ISG20: variants seen among roughly 807,000 people sequenced by gnomAD.
The protein encoded by ISG20 is interferon-stimulated gene 20 kDa protein.
In ISG20, 8 loss-of-function variants were observed where a neutral mutation model predicts 11.1. That is an observed-to-expected ratio of 0.72 (90% CI 0.42 to 1.30). The LOEUF (loss-of-function observed/expected upper bound fraction) is 1.30. Ranked by LOEUF, ISG20 falls within the 50% of genes most tolerant of loss-of-function variation. The pLI is 0.01. For missense variants in ISG20, 243 were observed against 250.2 expected (o/e 0.97, Z 0.19); for synonymous variants, 110 against 101.7 (o/e 1.08, Z -0.49).
Position 88,643,053 on chromosome 15 carries a change from C to T in ISG20, c.228+3459C>T, listed in dbSNP as rs2058109106. 6.6e-6 allele frequency among the ~76,000 whole-genome samples: 1 copy of T among 151,652 alleles called. No homozygotes were observed. Among genetic ancestry groups the T allele is most frequent in the South Asian group, 2.1e-4 (1 of 4,818 alleles). ...AGCCTGGGCAAGATGGTGAGATCTC[C>T]TCTACAAAAAAAATAAATAAATAAA... On this transcript the variant is annotated intron_variant, in intron 2 of 3. Transcript: ENST00000306072. The surrounding 1 kb of genome is among the most constrained non-coding windows in gnomAD (Gnocchi z 4.4).
chr15:88,639,868 A>C lies in ISG20; in HGVS notation c.228+274A>C, dbSNP rs1353779167. 1.3e-5 allele frequency among the ~76,000 whole-genome samples: 2 copies of C among 152,212 alleles called. No individual in the cohort carries two copies. Among genetic ancestry groups the C allele is most frequent in the Non-Finnish European group, 1.5e-5 (1 of 68,034 alleles). ...TAAAATGGGGAAACTGAGTTCCCCC[A>C]CACAGTGACTTGGGGTCTACATTCC... On this transcript the variant is annotated intron_variant, in intron 2 of 3. Coordinates refer to ENST00000306072, the MANE Select transcript of ISG20 (RefSeq NM_002201.6). This position sits in a 1 kb window ranked among gnomAD's most constrained non-coding sequence, Gnocchi z 4.2.
At chr15:88,652,390 C>T (rs1348975991) in intron 3 of ISG20, 80 bp downstream of exon 3, 5 of 179,276 alleles carry the variant, frequency 2.8e-5, no homozygotes, top group Admixed American at 1.3e-4. Context: ...CATTTCCTCC[C>T]CCTCCTCCCC....
upstream of ISG20, among the ~76,000 whole-genome samples, chr15:88,638,338 G>C (rs1367735360): frequency 6.6e-6 from 1 of 152,230 alleles, no homozygotes; most frequent in Non-Finnish European, 1.5e-5. Context: ...TGTTCTAAGA[G>C]CTCAAAGTCC....
intron 2 of ISG20, 119 bp from the exon 3 acceptor site, chr15:88,651,991 G>T: frequency 6.5e-7 from 1 of 1,527,820 alleles, no homozygotes; most frequent in Non-Finnish European, 8.8e-7. Context: ...GCCCAGGGAG[G>T]ACTGATAATT....
intron 3 of ISG20, among the ~76,000 whole-genome samples, 194 bp downstream of exon 3, chr15:88,652,504 C>T (rs1482044948): frequency 1.8e-4 from 2 of 10,922 alleles, no homozygotes; most frequent in Non-Finnish European, 4.2e-4. Context: ...TCCCCTCCTC[C>T]TTCCCCTCCT....
At chr15:88,652,338 T>A (rs756264862) in intron 3 of ISG20, 28 bp downstream of exon 3, 1 of 1,323,272 alleles carries the variant, frequency 7.6e-7, no homozygotes, top group Non-Finnish European at 1.0e-6. Context: ...CTTCTCCTCC[T>A]CCCCCCTCCT....
chr15:88,642,962 G>A (rs2058107710), intron 2 of ISG20, among the ~76,000 whole-genome samples: 1 of 151,978 alleles, frequency 6.6e-6, no homozygotes, highest in Admixed American at 6.5e-5. Context: ...AGTTGTTCAT[G>A]GCTGTAATCC....
At position 88,639,474 on chromosome 15, in the gene ISG20, T is replaced by C; in HGVS notation, c.108T>C (p.Ala36=). 6.2e-7 allele frequency: 1 copy of C among 1,614,174 alleles called. No homozygotes were observed. Among genetic ancestry groups the C allele is most frequent in the South Asian group, 1.1e-5 (1 of 91,086 alleles). ...GCAGCCTCGTGAACGTCCACGGTGC[T>C]GTGCTGTACGACAAGTTCATCCGGC... ...ARCSLVNVHG[A]VLYDKFIRPE... Residue 36 remains alanine (A), a synonymous_variant, in exon 2 of 4, where the codon GCT becomes GCC. Transcript: ENST00000306072. This position sits in a 1 kb window ranked among gnomAD's most constrained non-coding sequence, Gnocchi z 4.2.
chr15:88,654,903 C>T (rs2058349110), intron 3 of ISG20, among the ~76,000 whole-genome samples: 1 of 152,206 alleles, frequency 6.6e-6, no homozygotes, highest in African/African-American at 2.4e-5. Flanking sequence ...CGTCCCCACA[C>T]CACCTTTCAC....
upstream of ISG20, chr15:88,636,435 G>A (rs2057986232): frequency 6.6e-6 from 1 of 152,244 alleles, no homozygotes; most frequent in Admixed American, 6.5e-5. Context: ...TCTAGGTGCT[G>A]GGGCCCCAGT....
At chr15:88,647,550 C>T (rs1219459551) in intron 2 of ISG20, 1 of 152,180 alleles carries the variant, frequency 6.6e-6, no homozygotes, top group African/African-American at 2.4e-5. Flanking sequence ...CGCCACAAAT[C>T]AGACTGTCAG....
Position 88,639,017 on chromosome 15 carries a change from C to T in ISG20, c.-84C>T, listed in dbSNP as rs2058031448. ...GATGAGTCACCGCTGAGAGCAGCTG[C>T]AGTAGCTGAGCAGTGGCAGCAGAGA... On this transcript the variant is annotated 5_prime_UTR_variant, in exon 1 of 4. Coordinates refer to ENST00000306072, the MANE Select transcript of ISG20 (RefSeq NM_002201.6). The surrounding 1 kb of genome is among the most constrained non-coding windows in gnomAD (Gnocchi z 4.2). 1.3e-5 allele frequency: 5 copies of T among 378,118 alleles called. No homozygotes were observed. The highest frequency in any genetic ancestry group is 4.4e-5 in the Admixed American group (1 of 22,882). The allele number at this position is 378,118 out of a possible 1,614,324, so 23.4% of individuals were successfully genotyped here. A position where few individuals can be genotyped will look rare whatever the true frequency, so the allele number is the denominator to read the frequency against.
At chr15:88,653,870 A>G (rs2058329811) in intron 3 of ISG20, among the ~76,000 whole-genome samples, 1 of 152,178 alleles carries the variant, frequency 6.6e-6, no homozygotes, top group Admixed American at 6.5e-5. Flanking sequence ...CTCCCTGCCA[A>G]GCTGCGCGCA....
intron 3 of ISG20, among the ~76,000 whole-genome samples, chr15:88,653,271 C>G (rs527882435): frequency 6.6e-6 from 1 of 152,120 alleles, no homozygotes; most frequent in Non-Finnish European, 1.5e-5. Context: ...AAGGGCAGTG[C>G]CCTGGGAGCA....
In ISG20 at chr15:88,655,763, A is replaced by T. The variant is rs1794305166; in HGVS notation, c.*232A>T. The stretch of plus-strand genomic sequence containing the variant: ...TCTTATGCTGGGGAGGTGGGCAAGT[A>T]TCAATTTCCTTAATATCTTGAATCC... On this transcript the variant is annotated 3_prime_UTR_variant, in exon 4 of 4. Coordinates refer to ENST00000306072, the MANE Select transcript of ISG20 (RefSeq NM_002201.6). The T allele has an allele frequency of 4.9e-6, 2 of 406,772 alleles. No individual in the cohort carries two copies. Among genetic ancestry groups the T allele is most frequent in the East Asian group, 9.9e-5 (2 of 20,158 alleles). The allele number at this position is 406,772 out of a possible 1,614,324, so 25.2% of individuals were successfully genotyped here. A position where few individuals can be genotyped will look rare whatever the true frequency, so the allele number is the denominator to read the frequency against.
chr15:88,653,310 A>G, intron 3 of ISG20, among the ~76,000 whole-genome samples: 1 of 152,122 alleles, frequency 6.6e-6, no homozygotes, highest in East Asian at 1.9e-4. Flanking sequence ...GCAGGGCAGG[A>G]GACCAGATCT....
chr15:88,653,775 G>A (rs2058328552), intron 3 of ISG20, among the ~76,000 whole-genome samples: 1 of 144,094 alleles, frequency 6.9e-6, no homozygotes, highest in Non-Finnish European at 1.5e-5. Flanking sequence ...TGACCCACAG[G>A]ACACAAGGAG....
intron 2 of ISG20, among the ~76,000 whole-genome samples, chr15:88,644,127 A>G (rs2058128083): frequency 6.6e-6 from 1 of 152,196 alleles, no homozygotes; most frequent in Non-Finnish European, 1.5e-5. Context: ...TAAGTGGGCC[A>G]TAGGGAGCCA....
chr15:88,639,720 G>A lies in ISG20; in HGVS notation c.228+126G>A. Reference sequence around the variant, plus strand: ...GTAAGATTTCCCACACTGCTGTTGGGAGAAAGCCGGTGGTGTCTCCATCAC... The same window carrying A: ...GTAAGATTTCCCACACTGCTGTTGGAAGAAAGCCGGTGGTGTCTCCATCAC... On this transcript the variant is annotated intron_variant, in intron 2 of 3. Transcript: ENST00000306072. The surrounding 1 kb of genome is among the most constrained non-coding windows in gnomAD (Gnocchi z 4.2). The A allele has an allele frequency of 1.4e-6, 1 of 707,526 alleles. No homozygotes were observed. The highest frequency in any genetic ancestry group is 2.4e-6 in the Non-Finnish European group (1 of 421,876). 43.8% of individuals were successfully genotyped at this position (707,526 alleles called of 1,614,324 possible).
Sources: allele counts gnomAD v4.1 joint callset (sites outside exome capture counted in the v4.1 genomes callset), GRCh38; gene constraint gnomAD v4.1.1; non-coding constraint Gnocchi (gnomAD v3.1); transcripts MANE v1.5; gene names NCBI Gene and HGNC (gene_info 2026-07-23, HGNC 2026-07-21).